Variants in RWDD3 observed in about 807,000 individuals in gnomAD.
RWDD3 encodes RWD domain-containing protein 3.
A neutral mutation model predicts 26.5 loss-of-function variants in RWDD3; 30 were observed. The observed-to-expected ratio is 1.13, with a 90% CI of 0.85 to 1.54. The LOEUF (loss-of-function observed/expected upper bound fraction) is 1.54. Among genes scored for constraint, RWDD3 ranks in the 40% most tolerant of loss-of-function variants. The pLI is 0.00. For missense variants in RWDD3, 296 were observed against 309.1 expected (o/e 0.96, Z 0.32); for synonymous variants, 113 against 114.5 (o/e 0.99, Z 0.09).
chr1:95,244,674 A>G lies in RWDD3; in HGVS notation c.549A>G (p.Leu183=). Reference sequence around the variant, plus strand: ...TGGGTAAAATAATACTGATTTTACTACAGGGAGACAGAAACAACCTCAAGG... The same window carrying G: ...TGGGTAAAATAATACTGATTTTACTGCAGGGAGACAGAAACAACCTCAAGG... ...MFMGKIILIL[L]QGDRNNLKEY... is the part of the protein sequence containing the mutation. Residue 183 remains leucine, a synonymous_variant, in exon 2 of 4, where the codon CTA becomes CTG. Transcript: ENST00000370202. 6.2e-7 allele frequency: 1 copy of G among 1,613,372 alleles called. No homozygotes were observed. Among genetic ancestry groups the G allele is most frequent in the Non-Finnish European group, 8.5e-7 (1 of 1,179,774 alleles).
At position 95,244,431 on chromosome 1, in the gene RWDD3, G is replaced by C; in HGVS notation, c.306G>C (p.Glu102Asp). 1 of 1,614,210 alleles carries C rather than the reference G, an allele frequency of 6.2e-7. No individual in the cohort carries two copies. Among genetic ancestry groups the C allele is most frequent in the Non-Finnish European group, 8.5e-7 (1 of 1,180,042 alleles). Residue 102 changes from glutamate to aspartate, a missense_variant, in exon 2 of 4, where the codon GAG (glutamate) becomes GAC (aspartate). By Grantham distance (45) the Glu-to-Asp change is conservative (BLOSUM62 2). Transcript: ENST00000370202. ...ESLLSEPMVH[E>D]LVLWIQQNLR... is the part of the protein sequence containing the mutation. Reference sequence around the variant, plus strand: ...TTTTGTCGGAGCCTATGGTTCATGAGCTGGTTCTCTGGATTCAGCAGAATC... The same window carrying C: ...TTTTGTCGGAGCCTATGGTTCATGACCTGGTTCTCTGGATTCAGCAGAATC...
At chr1:95,236,382 C>G (rs1471828925) in intron 1 of RWDD3, among the ~76,000 whole-genome samples, 1 of 150,672 alleles carries the variant, frequency 6.6e-6, no homozygotes, top group Non-Finnish European at 1.5e-5. Context: ...TGTGAGAAAA[C>G]CATTTAAGAT....
chr1:95,234,216 G>A lies in RWDD3; in HGVS notation c.-15G>A, dbSNP rs1168216293. On this transcript the variant is annotated 5_prime_UTR_variant, in exon 1 of 4. In the 5' UTR this introduces an upstream ATG that the reference lacks. Coordinates refer to ENST00000370202, the MANE Select transcript of RWDD3 (RefSeq NM_015485.5). Reference sequence around the variant, plus strand: ...CAGCGGAAGGGGAAGCGCTGAGGCGGTGGGGCCCACAGCCATGGCGGAGCC... The same window carrying A: ...CAGCGGAAGGGGAAGCGCTGAGGCGATGGGGCCCACAGCCATGGCGGAGCC... 3 of 1,575,422 alleles carry A rather than the reference G, an allele frequency of 1.9e-6. No individual in the cohort carries two copies. The highest frequency in any genetic ancestry group is 2.6e-6 in the Non-Finnish European group (3 of 1,161,640).
In RWDD3 at chr1:95,247,065, A is replaced by G. The variant is rs926481400; in HGVS notation, c.*195A>G. ...AACATGAAGAAAACTTGTATATTCT[A>G]ATGTTTGCCAGGAAAGGCTAGGTTC... On this transcript the variant is annotated 3_prime_UTR_variant, in exon 4 of 4. Coordinates refer to ENST00000370202, the MANE Select transcript of RWDD3 (RefSeq NM_015485.5). 5 of 366,642 alleles carry G rather than the reference A, an allele frequency of 1.4e-5. No homozygotes were observed. The highest frequency in any genetic ancestry group is 2.4e-5 in the Non-Finnish European group (5 of 205,400). 22.7% of individuals were successfully genotyped at this position (366,642 alleles called of 1,614,324 possible).
At chr1:95,243,609 G>A (rs1273097985) in intron 1 of RWDD3, 1 of 152,436 alleles carries the variant, frequency 6.6e-6, no homozygotes. Context: ...CAGAATTGAT[G>A]TCCACTCAAT....
At chr1:95,243,749 T>G (rs1043809816) in intron 1 of RWDD3, among the ~76,000 whole-genome samples, 10 of 152,240 alleles carry the variant, frequency 6.6e-5, no homozygotes, top group African/African-American at 2.4e-4. Context: ...CACAGGGGAT[T>G]CCATTGCTTG....
At chr1:95,235,867 T>A (rs919314731) in intron 1 of RWDD3, among the ~76,000 whole-genome samples, 1 of 148,474 alleles carries the variant, frequency 6.7e-6, no homozygotes. Context: ...TTCTATTGAA[T>A]AAAAAAAAAA....
intron 1 of RWDD3, chr1:95,239,906 C>T (rs575093950): frequency 7.8e-7 from 1 of 1,289,746 alleles, no homozygotes; most frequent in Non-Finnish European, 1.0e-6. Context: ...CCAGAGAGGA[C>T]CCGGTAGGTG....
intron 1 of RWDD3, among the ~76,000 whole-genome samples, chr1:95,239,010 A>G (rs539106401): frequency 2.0e-5 from 3 of 152,340 alleles, no homozygotes; most frequent in South Asian, 4.1e-4. Flanking sequence ...AACAACAAGT[A>G]GTCAATTTGT....
chr1:95,240,410 T>A (rs1443422892), intron 1 of RWDD3, among the ~76,000 whole-genome samples: 7 of 152,190 alleles, frequency 4.6e-5, no homozygotes, highest in Non-Finnish European at 8.8e-5. Flanking sequence ...ACCACAATAA[T>A]TCTGGACATG....
chr1:95,244,751 G>A, intron 2 of RWDD3, 53 bp downstream of exon 2: 1 of 1,573,302 alleles, frequency 6.4e-7, no homozygotes, highest in Non-Finnish European at 8.6e-7. Flanking sequence ...TGCTTTAAAT[G>A]GTGTGTCTTT....
Position 95,243,924 on chromosome 1 carries a change from T to G in RWDD3, c.86-287T>G, listed in dbSNP as rs539692798. Among the ~76,000 whole-genome samples, 86 of 152,304 alleles carry G rather than the reference T, an allele frequency of 5.6e-4. 1 individual carries two copies. The highest frequency in any genetic ancestry group is 2.0e-3 in the African/African-American group (82 of 41,568). On this transcript the variant is annotated intron_variant, in intron 1 of 3. Transcript: ENST00000370202. ...CTAAATCTGGCTAGAAAAAAAATTATCTGATGAAAAACCTTTCTGGTAACT... is the reference window on the plus strand; with the variant it reads ...CTAAATCTGGCTAGAAAAAAAATTAGCTGATGAAAAACCTTTCTGGTAACT...
chr1:95,246,227 G>A (rs570107267), intron 2 of RWDD3: 40 of 206,864 alleles, frequency 1.9e-4, no homozygotes, highest in African/African-American at 6.6e-4. Flanking sequence ...GGTAGATCCT[G>A]CTATTAATTC....
rs778350657 is a variant in RWDD3, at chr1:95,244,332, G to T, written c.207G>T (p.Ser69=). 6.2e-7 allele frequency: 1 copy of T among 1,614,014 alleles called. No individual in the cohort carries two copies. Among genetic ancestry groups the T allele is most frequent in the Non-Finnish European group, 8.5e-7 (1 of 1,180,026 alleles). The change falls in exon 2 of 4, where the codon TCG becomes TCT. Residue 69 remains serine (S), a synonymous_variant. Transcript: ENST00000370202. ...VNYPSCLPGI[S]INSEQLTRAQ... is the part of the protein sequence containing the mutation. ...ATCCTTCATGTCTACCTGGTATCTC[G>T]ATTAACTCTGAACAGTTGACCAGGG...
In RWDD3 at chr1:95,244,626, GC is replaced by G; in HGVS notation, c.502del (p.Leu168Ter). ...TGGAGAAGTGGGCTTCAGATTTAAG[GC>G]TGACAGGAAGACTGATGTTCATGGG... ...IVEKWASDLRLTGRLMFMGKI... is the reference protein window; with the variant it reads ...IVEKWASDLRXTGRLMFMGKI... On this transcript the variant is annotated frameshift_variant, in exon 2 of 4. Transcript: ENST00000370202. LOFTEE classifies it high-confidence loss of function. 1 of 1,614,178 alleles carries G rather than the reference GC, an allele frequency of 6.2e-7. No individual in the cohort carries two copies. Among genetic ancestry groups the G allele is most frequent in the Non-Finnish European group, 8.5e-7 (1 of 1,180,010 alleles).
chr1:95,238,095 A>G (rs1680443264), intron 1 of RWDD3, among the ~76,000 whole-genome samples: 1 of 152,198 alleles, frequency 6.6e-6, no homozygotes, highest in African/African-American at 2.4e-5. Flanking sequence ...GAGGAAATTG[A>G]GTGACACAGA....
intron 1 of RWDD3, among the ~76,000 whole-genome samples, chr1:95,235,781 T>C (rs936169744): frequency 3.9e-5 from 6 of 152,090 alleles, no homozygotes; most frequent in Admixed American, 3.3e-4. Flanking sequence ...CCATGGCCTC[T>C]AGGAGCTTAC....
At position 95,246,523 on chromosome 1, in the gene RWDD3, G is replaced by A. The variant is rs779960209; in HGVS notation, c.574-19G>A. On this transcript the variant is annotated intron_variant, in intron 2 of 3. Transcript: ENST00000370202. ...ACTCAGAGTAAGATATGTATTTAAT[G>A]TACTGATTTATTATTTAGGAGTACT... 4 of 1,381,702 alleles carry A rather than the reference G, an allele frequency of 2.9e-6. No individual in the cohort carries two copies. The highest frequency in any genetic ancestry group is 1.7e-5 in the Admixed American group (1 of 57,696). The allele number at this position is 1,381,702 out of a possible 1,614,324, so 85.6% of individuals were successfully genotyped here. A position where few individuals can be genotyped will look rare whatever the true frequency, so the allele number is the denominator to read the frequency against.
intron 2 of RWDD3, among the ~76,000 whole-genome samples, chr1:95,245,350 G>A (rs928123766): frequency 4.6e-5 from 7 of 152,090 alleles, no homozygotes; most frequent in East Asian, 1.9e-4. Flanking sequence ...TGTTTTAGGT[G>A]GGACAAGATG....
Sources: gnomAD v4.1 joint callset for allele counts (sites outside exome capture counted in the v4.1 genomes callset) on GRCh38, gnomAD v4.1.1 for gene constraint, MANE v1.5 for transcripts, NCBI Gene and HGNC (gene_info 2026-07-23, HGNC 2026-07-21) for gene names.